The following BOLL variants were observed in gnomAD, a reference collection of about 807,000 sequenced individuals.
BOLL encodes protein boule-like.
Under a neutral mutation model 44.4 loss-of-function variants are expected in BOLL, and 23 were observed. The ratio of observed to expected loss-of-function variants is 0.52; its 90% CI spans 0.37 to 0.73. The LOEUF (loss-of-function observed/expected upper bound fraction) is 0.73, where lower values mean the gene tolerates loss of function less well. BOLL is among the 30% of genes least tolerant of loss of function. The probability of loss-of-function intolerance (pLI) is 0.00; values close to 1 mark genes in which losing one functional copy is unlikely to be tolerated. For missense variants in BOLL, 287 were observed against 338.3 expected (o/e 0.85, Z 1.19); for synonymous variants, 97 against 110.8 (o/e 0.88, Z 0.78).
At position 197,761,278 on chromosome 2, in the gene BOLL, T is replaced by C. The variant is rs548837097; in HGVS notation, c.553-3878A>G. ...GTGAGCTATGATCATGTCACTATACTCTGTCTCTAAAAAAACCAGCTCTTT... is the reference window on the plus strand; with the variant it reads ...GTGAGCTATGATCATGTCACTATACCCTGTCTCTAAAAAAACCAGCTCTTT... On this transcript the variant is annotated intron_variant, in intron 7 of 10. Transcript: ENST00000392296. 2.6e-5 allele frequency among the ~76,000 whole-genome samples: 4 copies of C among 152,250 alleles called. No individual in the cohort carries two copies. In the East Asian group the frequency reaches 7.7e-4, roughly 29 times the overall value.
At chr2:197,777,335 A>G (rs1689565457) in intron 3 of BOLL, among the ~76,000 whole-genome samples, 1 of 151,872 alleles carries the variant, frequency 6.6e-6, no homozygotes, top group African/African-American at 2.4e-5. Flanking sequence ...AGATCTTGAA[A>G]CAGCTTCAGC....
intron 7 of BOLL, among the ~76,000 whole-genome samples, chr2:197,765,448 T>C (rs1291031699): frequency 6.6e-6 from 1 of 152,002 alleles, no homozygotes; most frequent in Non-Finnish European, 1.5e-5. Context: ...TTAACAATAA[T>C]ACATAGTTTC....
At position 197,784,866 on chromosome 2, in the gene BOLL, C is replaced by T. The variant is rs980715316; in HGVS notation, c.-16+190G>A. 17 of 987,414 alleles carry T rather than the reference C, an allele frequency of 1.7e-5. 1 individual carries two copies. In the East Asian group the frequency reaches 1.6e-3, roughly 92 times the overall value. The allele number at this position is 987,414 out of a possible 1,614,324, so 61.2% of individuals were successfully genotyped here. On this transcript the variant is annotated intron_variant, in intron 1 of 10. Coordinates refer to ENST00000392296, the MANE Select transcript of BOLL (RefSeq NM_033030.6). ...ACTAGCAATAATTCCGCATGTGTTACGGAAACACCTAGATGGGGACTGTTG... is the reference window on the plus strand; with the variant it reads ...ACTAGCAATAATTCCGCATGTGTTATGGAAACACCTAGATGGGGACTGTTG...
chr2:197,729,070 C>A (rs1351699319), intron 10 of BOLL, among the ~76,000 whole-genome samples: 1 of 152,152 alleles, frequency 6.6e-6, no homozygotes, highest in Non-Finnish European at 1.5e-5. Flanking sequence ...GTACCGGGTT[C>A]ATCTCACTAG....
chr2:197,771,979 G>C lies in BOLL; in HGVS notation c.356C>G (p.Ser119Cys), dbSNP rs773876427. Residue 119 changes from serine (S) to cysteine (C), a missense_variant, in exon 6 of 11, where the codon TCT becomes TGT. By Grantham distance (112) the Ser-to-Cys change is moderately radical. Coordinates refer to ENST00000392296, the MANE Select transcript of BOLL (RefSeq NM_033030.6). ...IRKQQVGIPR[S>C]SIMPAAGTMY... The stretch of plus-strand genomic sequence containing the variant: ...TGTTCCAGCTGCTGGCATTATACTA[G>C]AACCTAAAGCAAAGATTAAATAATA... The C allele has an allele frequency of 1.3e-6, 2 of 1,567,094 alleles. No individual in the cohort carries two copies. The highest frequency in any genetic ancestry group is 2.7e-5 in the African/African-American group (2 of 73,386).
chr2:197,763,998 T>C (rs1688877348), intron 7 of BOLL, among the ~76,000 whole-genome samples: 1 of 152,222 alleles, frequency 6.6e-6, no homozygotes, highest in Non-Finnish European at 1.5e-5. Context: ...AGGTATTATC[T>C]ACCCCAGTTA....
chr2:197,765,706 T>G (rs765000733), intron 7 of BOLL, among the ~76,000 whole-genome samples: 42 of 152,104 alleles, frequency 2.8e-4, no homozygotes, highest in Non-Finnish European at 5.0e-4. Context: ...TTTACTTATT[T>G]TTAAAACTTT....
At chr2:197,747,034 G>A (rs1394252979) in intron 9 of BOLL, among the ~76,000 whole-genome samples, 2 of 152,046 alleles carry the variant, frequency 1.3e-5, no homozygotes, top group African/African-American at 4.8e-5. Flanking sequence ...AAGATCTACT[G>A]TATAGCATGA....
At chr2:197,747,582 CAA>C (rs59385223) in intron 9 of BOLL, among the ~76,000 whole-genome samples, 395 of 60,150 alleles carry the variant, frequency 6.6e-3, no homozygotes, top group Middle Eastern at 0.06. Flanking sequence ...GACTCGGGCT[CAA>C]AAAAAAAAAA....
chr2:197,773,445 A>C (rs1689359108), intron 5 of BOLL, among the ~76,000 whole-genome samples: 1 of 151,950 alleles, frequency 6.6e-6, no homozygotes, highest in African/African-American at 2.4e-5. Flanking sequence ...GATAGTCATT[A>C]GTTGATTACA....
rs201559409 is a variant in BOLL, at chr2:197,775,764, A to AT, written c.277-25dup. On this transcript the variant is annotated intron_variant, in intron 4 of 10. Coordinates refer to ENST00000392296, the MANE Select transcript of BOLL (RefSeq NM_033030.6). ...GCCTAAAATAAAGAAAAAAGAAATTATTTTATTATTTTAGCACTATTATTT... is the reference window on the plus strand; with the variant it reads ...GCCTAAAATAAAGAAAAAAGAAATTATTTTTATTATTTTAGCACTATTATTT... 1.0e-3 allele frequency: 1,347 copies of AT among 1,331,152 alleles called. 12 individuals carry two copies. The African/African-American group carries it at 0.018, about 18-fold the overall frequency. 82.5% of individuals were successfully genotyped at this position (1,331,152 alleles called of 1,614,324 possible). A position where few individuals can be genotyped will look rare whatever the true frequency, so the allele number is the denominator to read the frequency against.
intron 2 of BOLL, among the ~76,000 whole-genome samples, chr2:197,780,653 T>C (rs1383831561): frequency 6.6e-6 from 1 of 152,058 alleles, no homozygotes; most frequent in Non-Finnish European, 1.5e-5. Flanking sequence ...ACTCATTGTT[T>C]TGGCAAATAC....
At chr2:197,784,345 C>CA (rs1689940101) in intron 1 of BOLL, among the ~76,000 whole-genome samples, 1 of 137,242 alleles carries the variant, frequency 7.3e-6, no homozygotes. Flanking sequence ...CATGATATGC[C>CA]AAATAGGCTG....
At chr2:197,752,377 A>T (rs1004959389) in intron 9 of BOLL, among the ~76,000 whole-genome samples, 1 of 152,218 alleles carries the variant, frequency 6.6e-6, no homozygotes, top group Non-Finnish European at 1.5e-5. Context: ...TTTGCAGATG[A>T]CATGATTGTA....
chr2:197,734,036 T>C (rs1407671595), intron 10 of BOLL, among the ~76,000 whole-genome samples: 2 of 151,026 alleles, frequency 1.3e-5, no homozygotes, highest in African/African-American at 2.4e-5. Context: ...ACCTACAAAA[T>C]GGGAGAAAAT....
At chr2:197,780,833 T>C (rs1042396534) in intron 2 of BOLL, among the ~76,000 whole-genome samples, 2 of 152,074 alleles carry the variant, frequency 1.3e-5, no homozygotes, top group African/African-American at 4.8e-5. Context: ...ATATGTAAAA[T>C]AGAAGCTTGG....
intron 3 of BOLL, among the ~76,000 whole-genome samples, chr2:197,777,891 A>G (rs962380684): frequency 6.6e-6 from 1 of 151,954 alleles, no homozygotes; most frequent in Non-Finnish European, 1.5e-5. Flanking sequence ...TGGATCATAT[A>G]CAAAGTTTCT....
chr2:197,784,198 A>G (rs1223096160), intron 1 of BOLL, among the ~76,000 whole-genome samples: 1 of 151,398 alleles, frequency 6.6e-6, no homozygotes, highest in Non-Finnish European at 1.5e-5. Flanking sequence ...ATCTGTCTCC[A>G]CTATTATGTA....
At chr2:197,760,374 C>T (rs1688698744) in intron 7 of BOLL, among the ~76,000 whole-genome samples, 1 of 152,178 alleles carries the variant, frequency 6.6e-6, no homozygotes, top group African/African-American at 2.4e-5. Flanking sequence ...GCCTGAGAAA[C>T]AGTCCCATGG....
Sources: allele counts gnomAD v4.1 joint callset (sites outside exome capture counted in the v4.1 genomes callset), GRCh38; gene constraint gnomAD v4.1.1; transcripts MANE v1.5; gene names NCBI Gene and HGNC (gene_info 2026-07-23, HGNC 2026-07-21).